Variants in SMYD3 observed in about 807,000 individuals in gnomAD.
SMYD3 encodes the protein histone-lysine N-methyltransferase SMYD3.
A neutral mutation model predicts 57.7 loss-of-function variants in SMYD3; 36 were observed. The ratio of observed to expected loss-of-function variants is 0.62; its 90% CI spans 0.48 to 0.82. The LOEUF (loss-of-function observed/expected upper bound fraction) is 0.82, where lower values mean the gene tolerates loss of function less well. SMYD3 is among the 40% of genes least tolerant of loss of function. SMYD3 has a pLI of 0.00. For missense variants in SMYD3, 515 were observed against 538.8 expected, an observed-to-expected ratio of 0.96 and a Z score of 0.44; for synonymous variants, 211 against 195.0, an observed-to-expected ratio of 1.08 and a Z score of -0.68.
intron 1 of SMYD3, among the ~76,000 whole-genome samples, chr1:246,413,404 C>T (rs541979568): frequency 2.0e-5 from 3 of 152,252 alleles, no homozygotes; most frequent in Non-Finnish European, 2.9e-5. Flanking sequence ...TAATTTTTAT[C>T]AGTAAAGATT....
intron 10 of SMYD3, among the ~76,000 whole-genome samples, chr1:245,773,603 T>C (rs1334749194): frequency 1.3e-5 from 2 of 152,188 alleles, no homozygotes; most frequent in African/African-American, 2.4e-5. Flanking sequence ...CAGTTTCCTC[T>C]TGAAGACTCC....
At chr1:246,302,656 T>A (rs2064911485) in intron 5 of SMYD3, among the ~76,000 whole-genome samples, 1 of 152,100 alleles carries the variant, frequency 6.6e-6, no homozygotes, top group South Asian at 2.1e-4. Flanking sequence ...ATTGGACAGT[T>A]CATGCTTCAC....
chr1:246,043,898 C>G (rs377242959), intron 5 of SMYD3, among the ~76,000 whole-genome samples: 4 of 152,072 alleles, frequency 2.6e-5, no homozygotes, highest in African/African-American at 9.7e-5. Flanking sequence ...GATAATGACT[C>G]GCACCAACAG....
intron 1 of SMYD3, among the ~76,000 whole-genome samples, chr1:246,439,109 G>C (rs1039492402): frequency 1.1e-4 from 15 of 139,766 alleles, no homozygotes; most frequent in African/African-American, 2.9e-4. Context: ...TATTTTCGGG[G>C]GGGGGGGTTC....
rs566050479 is a variant in SMYD3 at position 245,871,883 on chromosome 1, G to A, written c.814-7997C>T. The stretch of plus-strand genomic sequence containing the variant: ...GGCTGACTAGAGTCAGCTTTGTTTG[G>A]TGGGAAAGAAAAAAATGGTGGAGGA... On this transcript the variant is annotated intron_variant, in intron 8 of 11. Transcript: ENST00000490107. Among the ~76,000 whole-genome samples, 8 of 152,274 alleles carry A rather than the reference G, an allele frequency of 5.3e-5. 1 individual carries two copies. Among genetic ancestry groups the A allele is most frequent in the African/African-American group, 1.9e-4 (8 of 41,576 alleles).
chr1:245,794,129 C>T (rs752353860), intron 10 of SMYD3, among the ~76,000 whole-genome samples: 15 of 152,208 alleles, frequency 9.9e-5, no homozygotes, highest in African/African-American at 3.6e-4. Flanking sequence ...TCAGTCTCAA[C>T]ACAGGGAAAG....
intron 5 of SMYD3, among the ~76,000 whole-genome samples, chr1:246,028,297 A>C (rs1429769947): frequency 6.6e-6 from 1 of 152,238 alleles, no homozygotes; most frequent in African/African-American, 2.4e-5. Flanking sequence ...AAAGGAAGTC[A>C]AATTGTCCCT....
At chr1:246,168,708 C>G (rs76457520) in intron 5 of SMYD3, among the ~76,000 whole-genome samples, 3,491 of 152,226 alleles carry the variant, frequency 0.023, 207 homozygotes, top group East Asian at 0.22. Flanking sequence ...TTCCTTTCTG[C>G]CCACACACAA....
chr1:245,796,770 G>A (rs1174348658), intron 10 of SMYD3, among the ~76,000 whole-genome samples: 5 of 152,220 alleles, frequency 3.3e-5, no homozygotes, highest in African/African-American at 1.2e-4. Context: ...CTCCGCATCT[G>A]CAGTTAGCTC....
intron 5 of SMYD3, among the ~76,000 whole-genome samples, chr1:245,963,745 A>G (rs909178351): frequency 1.3e-5 from 2 of 152,228 alleles, no homozygotes; most frequent in African/African-American, 2.4e-5. Context: ...ACCAGACCCT[A>G]ACTTGCTGGG....
At chr1:246,479,089 T>C (rs113555491) in intron 1 of SMYD3, among the ~76,000 whole-genome samples, 3 of 150,832 alleles carry the variant, frequency 2.0e-5, no homozygotes, top group Non-Finnish European at 4.4e-5. Flanking sequence ...AGCTGGTACA[T>C]AAGTGCTCAT....
intron 3 of SMYD3, among the ~76,000 whole-genome samples, chr1:246,330,869 C>T (rs2065448136): frequency 1.3e-5 from 2 of 152,118 alleles, no homozygotes; most frequent in Non-Finnish European, 2.9e-5. Context: ...CATGGTAGCT[C>T]ACACCTATAA....
intron 5 of SMYD3, among the ~76,000 whole-genome samples, chr1:246,016,998 T>C (rs2059388291): frequency 6.6e-6 from 1 of 152,118 alleles, no homozygotes; most frequent in Non-Finnish European, 1.5e-5. Context: ...AATGAAACTG[T>C]TCTGCTTAAT....
intron 1 of SMYD3, among the ~76,000 whole-genome samples, chr1:246,463,933 T>C (rs891787212): frequency 2.7e-5 from 4 of 150,622 alleles, no homozygotes; most frequent in African/African-American, 9.8e-5. Context: ...TAATTGCAAC[T>C]CTGTAAGACA....
intron 10 of SMYD3, among the ~76,000 whole-genome samples, chr1:245,766,452 A>C (rs1013271052): frequency 6.6e-6 from 1 of 151,784 alleles, no homozygotes; most frequent in Non-Finnish European, 1.5e-5. Flanking sequence ...AGGGGGAACA[A>C]CAAAGGAGAC....
chr1:246,481,797 ATC>A (rs1392523339), intron 1 of SMYD3, among the ~76,000 whole-genome samples: 2 of 145,738 alleles, frequency 1.4e-5, no homozygotes, highest in African/African-American at 5.4e-5. Flanking sequence ...AGAGAGAGAG[ATC>A]GATCGATCGA....
At chr1:245,871,061 AAAAT>A (rs1553347225) in intron 8 of SMYD3, among the ~76,000 whole-genome samples, 1 of 152,256 alleles carries the variant, frequency 6.6e-6, no homozygotes, top group Non-Finnish European at 1.5e-5. Flanking sequence ...TATAGGATGA[AAAAT>A]AAAAAATTAA....
chr1:246,022,825 C>T (rs796283786), intron 5 of SMYD3, among the ~76,000 whole-genome samples: 6 of 152,266 alleles, frequency 3.9e-5, no homozygotes, highest in African/African-American at 1.4e-4. Context: ...GCTTTCACTT[C>T]GCACTTTCCA....
intron 10 of SMYD3, among the ~76,000 whole-genome samples, chr1:245,780,791 T>C (rs1475147505): frequency 1.3e-5 from 2 of 152,146 alleles, no homozygotes; most frequent in Non-Finnish European, 2.9e-5. Context: ...CCATACAAGG[T>C]CTTATATGTG....
Sources: allele counts gnomAD v4.1 joint callset (sites outside exome capture counted in the v4.1 genomes callset), GRCh38; gene constraint gnomAD v4.1.1; transcripts MANE v1.5; gene names NCBI Gene and HGNC (gene_info 2026-07-23, HGNC 2026-07-21).